Variants in OSBPL5 observed in about 807,000 individuals in gnomAD.
The protein encoded by OSBPL5 is oxysterol binding protein like 5.
Under a neutral mutation model 111.2 loss-of-function variants are expected in OSBPL5, and 71 were observed. The observed-to-expected ratio is 0.64, with a 90% CI of 0.53 to 0.78. The LOEUF (loss-of-function observed/expected upper bound fraction) is 0.78, where lower values mean the gene tolerates loss of function less well. Ranked by LOEUF, OSBPL5 falls within the 30% of genes least tolerant of loss-of-function variation. The pLI is 0.00. For missense variants in OSBPL5, 1,210 were observed against 1,189.3 expected (o/e 1.02, Z -0.26); for synonymous variants, 549 against 513.9 (o/e 1.07, Z -0.93).
In OSBPL5 at chr11:3,102,239, G is replaced by A. The variant is rs564578145; in HGVS notation, c.1369C>T (p.Arg457Cys). The A allele has an allele frequency of 8.1e-6, 13 of 1,608,874 alleles. No homozygotes were observed. Among genetic ancestry groups the A allele is most frequent in the East Asian group, 4.5e-5 (2 of 44,690 alleles). Residue 457 changes from arginine (R) to cysteine (C), a missense_variant, in exon 12 of 22, where the codon CGC (arginine) becomes TGC (cysteine). Transcript: ENST00000263650. ...GTCTGCGGGTGGAACCAGCAGCAGC[G>A]GAAGGTCTCCCCCAGGATGGGGTTG... ...PYNPILGETFRCCWFHPQTDS... is the reference protein window; with the variant it reads ...PYNPILGETFCCCWFHPQTDS...
At position 3,121,898 on chromosome 11, in the gene OSBPL5, G is replaced by T; in HGVS notation, c.402+99C>A. The T allele has an allele frequency of 9.3e-7, 1 of 1,080,744 alleles. No homozygotes were observed. Among genetic ancestry groups the T allele is most frequent in the Non-Finnish European group, 1.4e-6 (1 of 740,598 alleles). The allele number at this position is 1,080,744 out of a possible 1,614,324, so 66.9% of individuals were successfully genotyped here. On this transcript the variant is annotated intron_variant, in intron 5 of 21. Transcript: ENST00000263650. This position sits in a 1 kb window ranked among gnomAD's most constrained non-coding sequence, Gnocchi z 4.3. ...TGATAACGGCTAGATGCAGGGAAGTGAATTTCCATCGTTTCAGGCCACCTG... is the reference window on the plus strand; with the variant it reads ...TGATAACGGCTAGATGCAGGGAAGTTAATTTCCATCGTTTCAGGCCACCTG...
Position 3,107,258 on chromosome 11 carries a change from C to G in OSBPL5, c.1059+5G>C, listed in dbSNP as rs746628222. 10 of 1,610,322 alleles carry G rather than the reference C, an allele frequency of 6.2e-6. No individual in the cohort carries two copies. The highest frequency in any genetic ancestry group is 1.3e-5 in the African/African-American group (1 of 74,690). On this transcript the variant is annotated splice_donor_5th_base_variant and intron_variant, in intron 9 of 21. Coordinates refer to ENST00000263650, the MANE Select transcript of OSBPL5 (RefSeq NM_020896.4). The surrounding 1 kb of genome is among the most constrained non-coding windows in gnomAD (Gnocchi z 6.1). ...GCTTGGGGCTCCTGGCTGGGGGGCT[C>G]TCACCTCCCCCAGCTCCTCCTGGAC...
chr11:3,107,546 C>T lies in OSBPL5; in HGVS notation c.867-91G>A. On this transcript the variant is annotated intron_variant, in intron 8 of 21. Coordinates refer to ENST00000263650, the MANE Select transcript of OSBPL5 (RefSeq NM_020896.4). The surrounding 1 kb of genome is among the most constrained non-coding windows in gnomAD (Gnocchi z 6.1). ...GCCCACCCCTCGCTGCTCCGCACTT[C>T]ACATACGTTCCTGCCTGTCGTCACC... The T allele has an allele frequency of 6.9e-7, 1 of 1,444,472 alleles. No homozygotes were observed. The highest frequency in any genetic ancestry group is 9.6e-7 in the Non-Finnish European group (1 of 1,045,508). The allele number at this position is 1,444,472 out of a possible 1,614,324, so 89.5% of individuals were successfully genotyped here.
intron 1 of OSBPL5, among the ~76,000 whole-genome samples, chr11:3,159,190 T>C (rs1846879351): frequency 1.3e-5 from 2 of 151,870 alleles, no homozygotes; most frequent in African/African-American, 4.8e-5. Context: ...TGAGGGTCGG[T>C]TTCTGCCCAG....
intron 19 of OSBPL5, among the ~76,000 whole-genome samples, chr11:3,091,356 G>A (rs1175699864): frequency 2.0e-5 from 3 of 152,230 alleles, no homozygotes; most frequent in African/African-American, 7.2e-5. Flanking sequence ...TGCATTGGGT[G>A]TGGTCAGCGA....
rs1795546114 is a variant in OSBPL5 at position 3,161,909 on chromosome 11, A to G, written c.-22+3307T>C. Among the ~76,000 whole-genome samples, 2 of 149,126 alleles carry G rather than the reference A, an allele frequency of 1.3e-5. No homozygotes were observed. Among genetic ancestry groups the G allele is most frequent in the South Asian group, 4.5e-4 (2 of 4,484 alleles). On this transcript the variant is annotated intron_variant, in intron 1 of 21. Transcript: ENST00000263650. This position sits in a 1 kb window ranked among gnomAD's most constrained non-coding sequence, Gnocchi z 8.0. ...AGGGGCCGAAAGCAGAGGCACAGGC[A>G]GTGCAAAGGCCCTGGAGTAAGAAGC...
Position 3,103,291 on chromosome 11 carries a change from C to A in OSBPL5, c.1274G>T (p.Arg425Leu), listed in dbSNP as rs867268261. 6.2e-7 allele frequency: 1 copy of A among 1,607,182 alleles called. No individual in the cohort carries two copies. The highest frequency in any genetic ancestry group is 1.7e-5 in the Admixed American group (1 of 59,416). ...RAAVEEDAYS[R>L]MKLVLRWYLS... Reference sequence around the variant, plus strand: ...GTACCACCGCAGCACCAGCTTCATGCGGCTGTAGGCATCCTCCTCCACCGC... The same window carrying A: ...GTACCACCGCAGCACCAGCTTCATGAGGCTGTAGGCATCCTCCTCCACCGC... Residue 425 changes from arginine to leucine, a missense_variant, in exon 11 of 22, where the codon CGC becomes CTC. Arg to Leu is a moderately radical substitution (Grantham distance 102). Transcript: ENST00000263650.
At chr11:3,108,002 C>T in intron 7 of OSBPL5, 57 bp from the exon 8 acceptor site, 2 of 1,566,546 alleles carry the variant, frequency 1.3e-6, no homozygotes, top group African/African-American at 1.3e-5. Flanking sequence ...TCCCGCATCC[C>T]CCAAGGGGCC....
At position 3,120,556 on chromosome 11, in the gene OSBPL5, G is replaced by A. The variant is rs915271823; in HGVS notation, c.471C>T (p.Tyr157=). 6.2e-7 allele frequency: 1 copy of A among 1,613,222 alleles called. No individual in the cohort carries two copies. The highest frequency in any genetic ancestry group is 8.5e-7 in the Non-Finnish European group (1 of 1,180,052). The change falls in exon 6 of 22, where the codon TAC becomes TAT. Residue 157 remains tyrosine (Y), a synonymous_variant. Transcript: ENST00000263650. ...CCCACTGGCCCACCTTGGGCGTCTT[G>A]TAGATGAGCAGCACCCCCGGCTTCA... The part of the protein sequence containing the change: ...CVLKPGVLLI[Y]KTPKVGQWVG...
intron 7 of OSBPL5, among the ~76,000 whole-genome samples, chr11:3,112,090 T>TGTGTGTGCATATGTGTGTGTGC (rs1858009124): frequency 1.5e-5 from 2 of 135,076 alleles, no homozygotes; most frequent in Admixed American, 7.3e-5. Context: ...TGTGTGCATG[T>TGTGTGTGCATATGTGTGTGTGC]GTGTGTGCAT....
rs1846694293 is a variant in OSBPL5, at chr11:3,154,571, T to G, written c.-22+10645A>C. ...GCACACACTCATGGGTGCGGAAGGC[T>G]CTGATCACATCAAAATCTTACTCCG... On this transcript the variant is annotated intron_variant, in intron 1 of 21. Transcript: ENST00000263650. This position sits in a 1 kb window ranked among gnomAD's most constrained non-coding sequence, Gnocchi z 4.9. Among the ~76,000 whole-genome samples the G allele has an allele frequency of 6.6e-6, 1 of 152,132 alleles. No individual in the cohort carries two copies. Among genetic ancestry groups the G allele is most frequent in the Non-Finnish European group, 1.5e-5 (1 of 68,030 alleles).
chr11:3,129,198 A>C lies in OSBPL5; in HGVS notation c.-21-29T>G. On this transcript the variant is annotated intron_variant, in intron 1 of 21. Coordinates refer to ENST00000263650, the MANE Select transcript of OSBPL5 (RefSeq NM_020896.4). ...GAAGGAAGGAAGGAGGGGCAGCAGG[A>C]GGTCACCGCCCCGGAAGGGGCTTCA... is the stretch of plus-strand genomic sequence containing the variant. The C allele has an allele frequency of 6.6e-6, 9 of 1,361,584 alleles. No homozygotes were observed. In the South Asian group the frequency reaches 1.6e-4, roughly 24 times the overall value. 84.3% of individuals were successfully genotyped at this position (1,361,584 alleles called of 1,614,324 possible).
rs950659965 is a variant in OSBPL5, at chr11:3,142,922, G to A, written c.-21-13753C>T. Reference sequence around the variant, plus strand: ...ACAGCGGACGGCACACGGGGTGGGGGTGTGTGAGCAGAGACCCTTGGGACC... The same window carrying A: ...ACAGCGGACGGCACACGGGGTGGGGATGTGTGAGCAGAGACCCTTGGGACC... On this transcript the variant is annotated intron_variant, in intron 1 of 21. Coordinates refer to ENST00000263650, the MANE Select transcript of OSBPL5 (RefSeq NM_020896.4). The surrounding 1 kb of genome is among the most constrained non-coding windows in gnomAD (Gnocchi z 7.1). Among the ~76,000 whole-genome samples, 3 of 150,846 alleles carry A rather than the reference G, an allele frequency of 2.0e-5. No homozygotes were observed. The highest frequency in any genetic ancestry group is 4.4e-5 in the Non-Finnish European group (3 of 67,730).
At chr11:3,095,847 C>CA (rs1461825314) in intron 14 of OSBPL5, among the ~76,000 whole-genome samples, 1 of 152,182 alleles carries the variant, frequency 6.6e-6, no homozygotes, top group Non-Finnish European at 1.5e-5. Flanking sequence ...ATGCCTTTTA[C>CA]ATGAATGGAT....
intron 19 of OSBPL5, among the ~76,000 whole-genome samples, chr11:3,091,020 C>A (rs762804594): frequency 6.6e-6 from 1 of 152,072 alleles, no homozygotes; most frequent in Non-Finnish European, 1.5e-5. Context: ...GAGATGATGG[C>A]ATGGGGGGCC....
chr11:3,148,680 G>A (rs1406273041), intron 1 of OSBPL5, among the ~76,000 whole-genome samples: 2 of 152,172 alleles, frequency 1.3e-5, no homozygotes, highest in Non-Finnish European at 2.9e-5. Flanking sequence ...GGCACAAACT[G>A]AAGGGAAATC....
At chr11:3,089,749 C>G in intron 21 of OSBPL5, 97 bp downstream of exon 21, 1 of 1,162,100 alleles carries the variant, frequency 8.6e-7, no homozygotes, top group Non-Finnish European at 1.3e-6. Flanking sequence ...CAACCCCAGC[C>G]GCGGCCTCCT....
chr11:3,147,460 A>G (rs1846394476), intron 1 of OSBPL5, among the ~76,000 whole-genome samples: 1 of 152,222 alleles, frequency 6.6e-6, no homozygotes, highest in South Asian at 2.1e-4. Context: ...CTCGTGCCCC[A>G]GGCTGTGGGT....
chr11:3,164,798 G>A (rs1847063424), intron 1 of OSBPL5, among the ~76,000 whole-genome samples: 1 of 152,174 alleles, frequency 6.6e-6, no homozygotes, highest in African/African-American at 2.4e-5. Context: ...CGCGTCGGCC[G>A]AGCTGGGGGG....
Sources: gnomAD v4.1 joint callset for allele counts (sites outside exome capture counted in the v4.1 genomes callset) on GRCh38, gnomAD v4.1.1 for gene constraint, Gnocchi (gnomAD v3.1) non-coding constraint, MANE v1.5 for transcripts, NCBI Gene and HGNC (gene_info 2026-07-23, HGNC 2026-07-21) for gene names.